Variants in CDH18 observed in about 807,000 individuals in gnomAD.
CDH18 encodes cadherin-18.
Under a neutral mutation model 67.9 loss-of-function variants are expected in CDH18, and 31 were observed. The observed-to-expected ratio is 0.46, with a 90% CI of 0.34 to 0.62. The LOEUF (loss-of-function observed/expected upper bound fraction) is 0.62. Among genes scored for constraint, CDH18 ranks in the 20% least tolerant of loss-of-function variants. CDH18 has a pLI of 0.01. For missense variants in CDH18, 890 were observed against 975.5 expected, an observed-to-expected ratio of 0.91 and a Z score of 1.17; for synonymous variants, 362 against 347.2, an observed-to-expected ratio of 1.04 and a Z score of -0.48.
chr5:19,615,008 G>C (rs936894094), intron 5 of CDH18, among the ~76,000 whole-genome samples: 1 of 151,982 alleles, frequency 6.6e-6, no homozygotes, highest in Admixed American at 6.6e-5. Context: ...TTAGCTGGGC[G>C]TGGTGGCACG....
intron 1 of CDH18, among the ~76,000 whole-genome samples, chr5:20,471,789 GACAGATCAGCACTCCAGCCTGGGCA>G (rs1202063575): frequency 1.6e-5 from 2 of 126,694 alleles, no homozygotes; most frequent in Non-Finnish European, 3.2e-5. Flanking sequence ...CAGCCTGGGC[GACAGATCAGCACTCCAGCCTGGGCA>G]ACAGATCGAG....
chr5:19,521,729 T>C (rs1283218334), intron 9 of CDH18, among the ~76,000 whole-genome samples: 1 of 151,880 alleles, frequency 6.6e-6, no homozygotes, highest in African/African-American at 2.4e-5. Flanking sequence ...AAATAGAAAA[T>C]CTAAGTAGTG....
chr5:20,031,113 G>A (rs144445468), intron 2 of CDH18, among the ~76,000 whole-genome samples: 2,843 of 152,130 alleles, frequency 0.019, 37 homozygotes, highest in Middle Eastern at 0.037. Flanking sequence ...CATGAACTGC[G>A]CCAGTGTTTT....
At chr5:19,821,157 G>A (rs1452861676) in intron 3 of CDH18, among the ~76,000 whole-genome samples, 1 of 152,018 alleles carries the variant, frequency 6.6e-6, no homozygotes, top group Non-Finnish European at 1.5e-5. Context: ...TGGCAAGGAA[G>A]CTCAACAAGA....
chr5:19,481,734 T>C (rs553727883), intron 12 of CDH18, among the ~76,000 whole-genome samples: 4 of 152,340 alleles, frequency 2.6e-5, no homozygotes, highest in African/African-American at 9.6e-5. Context: ...ATACAAGTTA[T>C]TTGTCTTCAA....
chr5:19,551,396 G>A (rs751703585), intron 8 of CDH18, among the ~76,000 whole-genome samples: 1 of 152,062 alleles, frequency 6.6e-6, no homozygotes, highest in Non-Finnish European at 1.5e-5. Flanking sequence ...ATTATATCAA[G>A]CCATAGTAAG....
chr5:20,006,378 G>T (rs949687079), intron 2 of CDH18, among the ~76,000 whole-genome samples: 3 of 151,808 alleles, frequency 2.0e-5, no homozygotes, highest in African/African-American at 7.2e-5. Flanking sequence ...TCTACCAAAA[G>T]AATTTAAAAT....
chr5:19,860,752 A>G (rs888912133), intron 2 of CDH18, among the ~76,000 whole-genome samples: 17 of 152,072 alleles, frequency 1.1e-4, no homozygotes, highest in African/African-American at 4.1e-4. Context: ...AATTACCATT[A>G]AACATGATTC....
intron 4 of CDH18, among the ~76,000 whole-genome samples, chr5:19,729,371 T>G (rs1462282540): frequency 6.6e-6 from 1 of 152,214 alleles, no homozygotes; most frequent in Non-Finnish European, 1.5e-5. Context: ...AAAAGTTGTA[T>G]AGTTGACAAT....
chr5:20,021,613 T>C (rs939213527), intron 2 of CDH18, among the ~76,000 whole-genome samples: 1 of 152,156 alleles, frequency 6.6e-6, no homozygotes, highest in African/African-American at 2.4e-5. Context: ...TGTATGTTAA[T>C]AGCTAAGACA....
chr5:20,108,967 AG>A (rs1189645327), intron 2 of CDH18, among the ~76,000 whole-genome samples: 1 of 152,236 alleles, frequency 6.6e-6, no homozygotes, highest in Non-Finnish European at 1.5e-5. Flanking sequence ...AAAGCATATT[AG>A]TTGCTTAGAA....
In CDH18 at chr5:20,544,212, G is replaced by A. The variant is rs373985812; in HGVS notation, c.-580+31250C>T. ...AAATTTCGAGAGACATTACAAATTGGAGAAATATTCACAAGCATACCTCAC... is the reference window on the plus strand; with the variant it reads ...AAATTTCGAGAGACATTACAAATTGAAGAAATATTCACAAGCATACCTCAC... On this transcript the variant is annotated intron_variant, in intron 1 of 14. Transcript: ENST00000507958. 4.6e-4 allele frequency among the ~76,000 whole-genome samples: 55 copies of A among 119,766 alleles called. 1 individual carries two copies. The highest frequency in any genetic ancestry group is 8.6e-3 in the Middle Eastern group (2 of 232). 78.6% of individuals were successfully genotyped at this position (119,766 alleles called of 152,430 possible).
chr5:20,028,415 TAGA>T (rs1479703844), intron 2 of CDH18, among the ~76,000 whole-genome samples: 2 of 152,206 alleles, frequency 1.3e-5, no homozygotes. Flanking sequence ...GTATGTAACT[TAGA>T]AGGCAGTTTT....
chr5:19,679,908 C>G (rs893622036), intron 5 of CDH18, among the ~76,000 whole-genome samples: 3 of 152,052 alleles, frequency 2.0e-5, no homozygotes, highest in Admixed American at 1.3e-4. Flanking sequence ...ACCAAACTAC[C>G]AATGTCATTT....
At chr5:19,750,760 G>GCCC (rs55950427) in intron 3 of CDH18, among the ~76,000 whole-genome samples, 1 of 137,818 alleles carries the variant, frequency 7.3e-6, no homozygotes, top group Non-Finnish European at 1.5e-5. Context: ...ATACAGTGAA[G>GCCC]CCCCCCCCCC....
At chr5:19,696,743 G>C (rs1263826019) in intron 5 of CDH18, among the ~76,000 whole-genome samples, 8 of 152,100 alleles carry the variant, frequency 5.3e-5, no homozygotes, top group Non-Finnish European at 1.2e-4. Context: ...TATCATCTAT[G>C]ATGAGAGTAC....
intron 2 of CDH18, among the ~76,000 whole-genome samples, chr5:19,879,139 G>T (rs1052467528): frequency 3.9e-5 from 6 of 151,952 alleles, no homozygotes; most frequent in African/African-American, 1.4e-4. Flanking sequence ...ATCTTAACTT[G>T]CTCATTACAC....
intron 2 of CDH18, among the ~76,000 whole-genome samples, chr5:20,124,633 T>C (rs1748668624): frequency 6.6e-6 from 1 of 152,218 alleles, no homozygotes. Flanking sequence ...TAGGTTCATT[T>C]GTTAACAGAA....
chr5:19,964,502 G>A (rs535381765), intron 2 of CDH18, among the ~76,000 whole-genome samples: 4 of 151,436 alleles, frequency 2.6e-5, no homozygotes, highest in African/African-American at 7.3e-5. Flanking sequence ...AGGGGCTGAG[G>A]TGGGAGGACT....
Sources: gnomAD v4.1 joint callset for allele counts (sites outside exome capture counted in the v4.1 genomes callset) on GRCh38, gnomAD v4.1.1 for gene constraint, MANE v1.5 for transcripts, NCBI Gene and HGNC (gene_info 2026-07-23, HGNC 2026-07-21) for gene names.